The following PALS1 variants were observed in gnomAD, a reference collection of about 807,000 sequenced individuals.
PALS1 encodes the protein protein PALS1.
PALS1 carries 31 observed loss-of-function variants against 78.9 expected under a neutral mutation model. The ratio of observed to expected loss-of-function variants is 0.39; its 90% CI spans 0.30 to 0.53. PALS1 has a LOEUF of 0.53. Among genes scored for constraint, PALS1 ranks in the 20% least tolerant of loss-of-function variants. The pLI, the probability that PALS1 is intolerant of heterozygous loss-of-function variation, is 0.67. For missense variants in PALS1, 704 were observed against 826.5 expected (o/e 0.85, Z 1.82); for synonymous variants, 276 against 270.9 (o/e 1.02, Z -0.18).
chr14:67,330,150 TAA>T (rs57319052), intron 14 of PALS1, among the ~76,000 whole-genome samples: 22,190 of 140,038 alleles, frequency 0.16, 3,147 homozygotes, highest in East Asian at 0.41. Context: ...ATAATAATAA[TAA>T]TAATTATTAT....
intron 13 of PALS1, among the ~76,000 whole-genome samples, chr14:67,323,117 TG>T (rs2085286401): frequency 6.6e-6 from 1 of 152,200 alleles, no homozygotes; most frequent in East Asian, 1.9e-4. Context: ...ATCACATAGT[TG>T]TCATCCTTCA....
intron 12 of PALS1, 135 bp from the exon 13 acceptor site, chr14:67,320,922 A>G (rs1409495544): frequency 7.1e-6 from 5 of 705,582 alleles, no homozygotes; most frequent in Non-Finnish European, 1.2e-5. Flanking sequence ...TTAAACATGT[A>G]GGCACTTAGC....
intron 14 of PALS1, among the ~76,000 whole-genome samples, chr14:67,331,259 G>T (rs2085445212): frequency 6.6e-6 from 1 of 152,142 alleles, no homozygotes; most frequent in South Asian, 2.1e-4. Flanking sequence ...TGGCCAGGCT[G>T]GTCTCAAGCT....
At chr14:67,304,442 G>A (rs1440056968) in intron 8 of PALS1, among the ~76,000 whole-genome samples, 1 of 152,134 alleles carries the variant, frequency 6.6e-6, no homozygotes, top group Non-Finnish European at 1.5e-5. Flanking sequence ...TATGTATGAT[G>A]GGATATTATT....
intron 3 of PALS1, among the ~76,000 whole-genome samples, chr14:67,280,853 T>TTCCTTCCCTCCTTCCC (rs1328488242): frequency 6.0e-3 from 464 of 77,458 alleles, no homozygotes; most frequent in Non-Finnish European, 6.6e-3. Flanking sequence ...CCTTCCTTCC[T>TTCCTTCCCTCCTTCCC]TCCCTCCCTC....
At chr14:67,298,370 T>C (rs7149826) in intron 4 of PALS1, among the ~76,000 whole-genome samples, 2 of 151,570 alleles carry the variant, frequency 1.3e-5, no homozygotes, top group Admixed American at 1.3e-4. Flanking sequence ...AAAAAACTAG[T>C]TGGGTGTGGT....
At chr14:67,314,704 A>G (rs1415891477) in intron 9 of PALS1, among the ~76,000 whole-genome samples, 2 of 152,226 alleles carry the variant, frequency 1.3e-5, no homozygotes, top group East Asian at 1.9e-4. Flanking sequence ...TATAGATTCC[A>G]ATGATGACAT....
Position 67,323,817 on chromosome 14 carries a change from A to G in PALS1, c.1851+5A>G. ...AAAGAAGGCAAGAATCCAAAGGTAA[A>G]GTTTTCACACTATTGTACTATTCCA... On this transcript the variant is annotated splice_donor_5th_base_variant and intron_variant, in intron 14 of 14. Transcript: ENST00000261681. 1 of 1,433,432 alleles carries G rather than the reference A, an allele frequency of 7.0e-7. No individual in the cohort carries two copies. The highest frequency in any genetic ancestry group is 9.7e-7 in the Non-Finnish European group (1 of 1,028,768). The allele number at this position is 1,433,432 out of a possible 1,614,324, so 88.8% of individuals were successfully genotyped here.
Position 67,332,824 on chromosome 14 carries a change from G to A in PALS1, c.1896G>A (p.Glu632=), listed in dbSNP as rs1360830650. The change falls in exon 15 of 15, where the codon GAG becomes GAA. Residue 632 remains glutamate (E), a synonymous_variant. Transcript: ENST00000261681. The stretch of plus-strand genomic sequence containing the variant: ...TCATTGAGAAGACAAGAGAGATGGA[G>A]CAGAACAATGGCCACTACTTTGATA... ...REIIEKTREM[E]QNNGHYFDTA... The A allele has an allele frequency of 6.2e-7, 1 of 1,613,974 alleles. No individual in the cohort carries two copies. Among genetic ancestry groups the A allele is most frequent in the Middle Eastern group, 1.6e-4 (1 of 6,062 alleles).
chr14:67,320,506 C>A, intron 12 of PALS1, 109 bp downstream of exon 12: 2 of 1,034,164 alleles, frequency 1.9e-6, no homozygotes, highest in Non-Finnish European at 1.3e-6. Flanking sequence ...ACACTGTTGT[C>A]AGTGAAAGAG....
chr14:67,301,549 A>G, intron 5 of PALS1, 83 bp downstream of exon 5: 1 of 856,692 alleles, frequency 1.2e-6, no homozygotes, highest in South Asian at 2.2e-5. Flanking sequence ...GTACTGGAAG[A>G]GATGTCAAAC....
intron 1 of PALS1, among the ~76,000 whole-genome samples, chr14:67,245,965 T>G (rs1463726177): frequency 6.6e-6 from 1 of 152,038 alleles, no homozygotes; most frequent in Non-Finnish European, 1.5e-5. Flanking sequence ...GTTGTTTCAC[T>G]TATTTGTTTG....
intron 11 of PALS1, among the ~76,000 whole-genome samples, chr14:67,317,740 C>A (rs2085199427): frequency 6.6e-6 from 1 of 152,180 alleles, no homozygotes; most frequent in Non-Finnish European, 1.5e-5. Flanking sequence ...AAAAATTATA[C>A]TTCTAACAAA....
intron 1 of PALS1, among the ~76,000 whole-genome samples, chr14:67,251,441 G>C (rs147193246): frequency 4.6e-5 from 7 of 152,268 alleles, no homozygotes; most frequent in Admixed American, 2.6e-4. Flanking sequence ...GCTAAAGTGA[G>C]AGGATTTCTT....
chr14:67,250,062 T>G (rs1386461381), intron 1 of PALS1, among the ~76,000 whole-genome samples: 4 of 152,200 alleles, frequency 2.6e-5, no homozygotes, highest in African/African-American at 9.7e-5. Flanking sequence ...CTGGTTGAGA[T>G]TCACTAGAGC....
intron 14 of PALS1, among the ~76,000 whole-genome samples, chr14:67,328,321 A>G (rs1030962286): frequency 5.9e-5 from 9 of 151,914 alleles, no homozygotes; most frequent in Admixed American, 4.6e-4. Flanking sequence ...CCACTTTTTG[A>G]TGGGATTGTT....
chr14:67,292,670 C>A lies in PALS1; in HGVS notation c.527C>A (p.Ala176Asp). 6.2e-7 allele frequency: 1 copy of A among 1,613,706 alleles called. No homozygotes were observed. Among genetic ancestry groups the A allele is most frequent in the Non-Finnish European group, 8.5e-7 (1 of 1,179,770 alleles). Residue 176 changes from alanine to aspartate, a missense_variant, in exon 4 of 15, where the codon GCC becomes GAC. Transcript: ENST00000261681. ...HNAITVHMNK[A>D]SPPFPLISNA... ...GCCATCACAGTACACATGAACAAGG[C>A]CAGTCCTCCATTTCCTCTTATCTCC...
intron 9 of PALS1, among the ~76,000 whole-genome samples, chr14:67,315,268 ATTTT>A (rs531037352): frequency 2.3e-4 from 23 of 101,588 alleles, no homozygotes; most frequent in South Asian, 3.3e-4. Flanking sequence ...CTTATTTTTA[ATTTT>A]TTTTTTTTTT....
At chr14:67,322,644 G>A (rs939179140) in intron 13 of PALS1, among the ~76,000 whole-genome samples, 4 of 152,070 alleles carry the variant, frequency 2.6e-5, no homozygotes, top group Admixed American at 1.3e-4. Flanking sequence ...ATAAATTTTT[G>A]ATTTAAGAGA....
Sources: gnomAD v4.1 joint callset for allele counts (sites outside exome capture counted in the v4.1 genomes callset) on GRCh38, gnomAD v4.1.1 for gene constraint, MANE v1.5 for transcripts, NCBI Gene and HGNC (gene_info 2026-07-23, HGNC 2026-07-21) for gene names.